Variants in DCAF1 observed in about 807,000 individuals in gnomAD.
The protein encoded by DCAF1 is DDB1- and CUL4-associated factor 1.
DCAF1 carries 15 observed loss-of-function variants against 128.0 expected under a neutral mutation model. The ratio of observed to expected loss-of-function variants is 0.12; its 90% CI spans 0.08 to 0.18. DCAF1 has a LOEUF of 0.18. Among genes scored for constraint, DCAF1 ranks in the 10% least tolerant of loss-of-function variants. The probability of loss-of-function intolerance (pLI) is 1.00; values close to 1 mark genes in which losing one functional copy is unlikely to be tolerated. For missense variants in DCAF1, 988 were observed against 1,649.5 expected, an observed-to-expected ratio of 0.60 and a Z score of 6.95; for synonymous variants, 610 against 603.0, an observed-to-expected ratio of 1.01 and a Z score of -0.17.
At chr3:51,474,988 T>G (rs1276007904) in intron 3 of DCAF1, among the ~76,000 whole-genome samples, 4 of 152,024 alleles carry the variant, frequency 2.6e-5, no homozygotes, top group Admixed American at 2.6e-4. Context: ...TTTCACCATG[T>G]TGGTCAGGCT....
At chr3:51,400,348 C>T (rs1317554463) in intron 24 of DCAF1, among the ~76,000 whole-genome samples, 1 of 152,196 alleles carries the variant, frequency 6.6e-6, no homozygotes, top group Admixed American at 6.5e-5. Flanking sequence ...TGCCTGGTCC[C>T]TGCGGCAGCA....
chr3:51,432,554 G>A (rs1296496519), intron 10 of DCAF1, among the ~76,000 whole-genome samples: 1 of 151,858 alleles, frequency 6.6e-6, no homozygotes, highest in Non-Finnish European at 1.5e-5. Context: ...CGCCTCCTGG[G>A]TTCAAGCAAT....
chr3:51,498,432 C>A (rs896115038), intron 1 of DCAF1, among the ~76,000 whole-genome samples: 2 of 150,106 alleles, frequency 1.3e-5, no homozygotes, highest in Non-Finnish European at 3.0e-5. Context: ...GGCTACAGGG[C>A]AAGATCCTGT....
chr3:51,445,553 A>C (rs1439416119), intron 6 of DCAF1, among the ~76,000 whole-genome samples: 1 of 152,248 alleles, frequency 6.6e-6, no homozygotes, highest in African/African-American at 2.4e-5. Context: ...TGGCAGAGCT[A>C]GGATGTGAAC....
chr3:51,401,506 A>G (rs1203302295), intron 24 of DCAF1, among the ~76,000 whole-genome samples: 1 of 152,214 alleles, frequency 6.6e-6, no homozygotes, highest in Non-Finnish European at 1.5e-5. Context: ...GACGTCCTCA[A>G]GTTGTGATCC....
intron 23 of DCAF1, 109 bp downstream of exon 23, chr3:51,412,270 C>CA: frequency 6.8e-7 from 1 of 1,480,004 alleles, no homozygotes; most frequent in Non-Finnish European, 9.1e-7. Flanking sequence ...ATGAATGTGG[C>CA]AACAGGTAGC....
chr3:51,458,400 CCAGATT>C (rs1250179024), intron 6 of DCAF1, among the ~76,000 whole-genome samples: 2 of 151,992 alleles, frequency 1.3e-5, no homozygotes, highest in Non-Finnish European at 2.9e-5. Context: ...ACAGGAGCAC[CCAGATT>C]CATAAAGCAA....
intron 2 of DCAF1, among the ~76,000 whole-genome samples, chr3:51,486,874 C>T (rs1707025362): frequency 1.3e-5 from 2 of 151,882 alleles, no homozygotes; most frequent in Admixed American, 6.6e-5. Flanking sequence ...CCTCATGATC[C>T]GCCTGCCTCG....
In DCAF1 at chr3:51,484,413, C is replaced by T. The variant is rs188382398; in HGVS notation, c.-8-577G>A. Among the ~76,000 whole-genome samples, 32 of 151,706 alleles carry T rather than the reference C, an allele frequency of 2.1e-4. 1 individual carries two copies. The South Asian group carries it at 5.2e-3, about 25-fold the overall frequency. On this transcript the variant is annotated intron_variant, in intron 2 of 24. Coordinates refer to ENST00000684031, the MANE Select transcript of DCAF1 (RefSeq NM_001387579.1). Reference sequence around the variant, plus strand: ...ACTTGAACCTGGGAGGTAGAGGTTGCAGTGAGCCGAGATCACACCATTGCA... The same window carrying T: ...ACTTGAACCTGGGAGGTAGAGGTTGTAGTGAGCCGAGATCACACCATTGCA...
chr3:51,498,844 G>A (rs573360309), intron 1 of DCAF1, among the ~76,000 whole-genome samples: 1 of 152,122 alleles, frequency 6.6e-6, no homozygotes, highest in African/African-American at 2.4e-5. Context: ...AAACATTAAA[G>A]GTAAACTCCA....
At chr3:51,485,207 G>A (rs1164290659) in intron 2 of DCAF1, among the ~76,000 whole-genome samples, 4 of 152,162 alleles carry the variant, frequency 2.6e-5, no homozygotes, top group African/African-American at 7.2e-5. Context: ...GACCCACCGC[G>A]CCCAGCTCTG....
intron 2 of DCAF1, among the ~76,000 whole-genome samples, chr3:51,491,600 G>A (rs1707652544): frequency 6.6e-6 from 1 of 152,078 alleles, no homozygotes; most frequent in Non-Finnish European, 1.5e-5. Flanking sequence ...TGTAATCCCT[G>A]CACTTTGGGA....
At chr3:51,492,929 G>A (rs761350572) in intron 2 of DCAF1, among the ~76,000 whole-genome samples, 13 of 152,068 alleles carry the variant, frequency 8.5e-5, no homozygotes, top group Non-Finnish European at 1.5e-4. Flanking sequence ...GGGAGGTGGA[G>A]CTTGCAGTGA....
chr3:51,446,999 T>TAATAAAAAA (rs370193180), intron 6 of DCAF1, among the ~76,000 whole-genome samples: 22 of 148,138 alleles, frequency 1.5e-4, no homozygotes, highest in Non-Finnish European at 3.1e-4. Context: ...ATAATAATAA[T>TAATAAAAAA]AAAATGTTTT....
intron 10 of DCAF1, among the ~76,000 whole-genome samples, chr3:51,432,797 A>AAT (rs1700507095): frequency 1.3e-5 from 2 of 152,298 alleles, no homozygotes; most frequent in Admixed American, 1.3e-4. Flanking sequence ...CATTGCACTA[A>AAT]GACATCGGAA....
intron 2 of DCAF1, among the ~76,000 whole-genome samples, chr3:51,494,826 A>T (rs1256541159): frequency 2.6e-5 from 4 of 152,088 alleles, no homozygotes; most frequent in Non-Finnish European, 5.9e-5. Context: ...CCAAAGTGCT[A>T]GGATTGTAGA....
upstream of DCAF1, among the ~76,000 whole-genome samples, chr3:51,502,040 T>A (rs902713114): frequency 6.6e-6 from 1 of 152,130 alleles, no homozygotes; most frequent in African/African-American, 2.4e-5. Flanking sequence ...CTGCCATGCC[T>A]CCCTGGGCCA....
intron 9 of DCAF1, chr3:51,437,376 A>AG: frequency 3.7e-6 from 1 of 271,362 alleles, no homozygotes; most frequent in Non-Finnish European, 7.1e-6. Flanking sequence ...AGGGCAAGTA[A>AG]GATAAGCAAG....
At chr3:51,502,350 TAGAG>T (rs1409702021), upstream of DCAF1, among the ~76,000 whole-genome samples, 4 of 151,988 alleles carry the variant, frequency 2.6e-5, no homozygotes, top group African/African-American at 4.8e-5. Flanking sequence ...CTGGGCAACA[TAGAG>T]AGACACCCCC....
Sources: allele counts gnomAD v4.1 joint callset (sites outside exome capture counted in the v4.1 genomes callset), GRCh38; gene constraint gnomAD v4.1.1; transcripts MANE v1.5; gene names NCBI Gene and HGNC (gene_info 2026-07-23, HGNC 2026-07-21).